The following SUGCT variants were observed in gnomAD, a reference collection of about 807,000 sequenced individuals.
SUGCT encodes the protein succinyl-CoA:glutarate CoA-transferase.
A neutral mutation model predicts 55.0 loss-of-function variants in SUGCT; 41 were observed. The observed-to-expected ratio is 0.74, with a 90% CI of 0.58 to 0.97. The LOEUF (loss-of-function observed/expected upper bound fraction) is 0.97, where lower values mean the gene tolerates loss of function less well. Among genes scored for constraint, SUGCT ranks in the 50% least tolerant of loss-of-function variants. The pLI, the probability that SUGCT is intolerant of heterozygous loss-of-function variation, is 0.00. For missense variants in SUGCT, 568 were observed against 547.8 expected, an observed-to-expected ratio of 1.04 and a Z score of -0.37; for synonymous variants, 187 against 200.4, an observed-to-expected ratio of 0.93 and a Z score of 0.56.
chr7:40,603,006 TA>T (rs1798364751), intron 12 of SUGCT, among the ~76,000 whole-genome samples: 1 of 152,172 alleles, frequency 6.6e-6, no homozygotes. Flanking sequence ...ATTCTGAGCA[TA>T]AATAGGACTG....
At chr7:40,196,287 A>G (rs141823628) in intron 6 of SUGCT, among the ~76,000 whole-genome samples, 26 of 152,318 alleles carry the variant, frequency 1.7e-4, no homozygotes, top group African/African-American at 6.3e-4. Flanking sequence ...AAAATGTTAT[A>G]TTAATAGTTT....
intron 12 of SUGCT, among the ~76,000 whole-genome samples, chr7:40,508,041 G>A (rs184192224): frequency 4.6e-5 from 7 of 152,246 alleles, no homozygotes; most frequent in African/African-American, 1.7e-4. Flanking sequence ...CGTAAGGATA[G>A]CCTCCTCAGG....
At chr7:40,328,789 GAA>G (rs1327532909) in intron 9 of SUGCT, among the ~76,000 whole-genome samples, 1 of 152,002 alleles carries the variant, frequency 6.6e-6, no homozygotes, top group Non-Finnish European at 1.5e-5. Flanking sequence ...GTGTTTTGGA[GAA>G]AAGAGACTGA....
At chr7:41,038,204 TC>T in the SUGCT span, among the ~76,000 whole-genome samples, 1 of 152,110 alleles carries the variant, frequency 6.6e-6, no homozygotes, top group African/African-American at 2.4e-5. Flanking sequence ...CTTTTTGCCC[TC>T]CTCTGTTGGG....
chr7:40,906,012 C>T, the SUGCT span, among the ~76,000 whole-genome samples: 1 of 152,206 alleles, frequency 6.6e-6, no homozygotes, highest in African/African-American at 2.4e-5. Context: ...GCATGAGCCA[C>T]TGCACCCTGC....
chr7:40,524,545 G>A (rs1302853286), intron 12 of SUGCT, among the ~76,000 whole-genome samples: 4 of 151,856 alleles, frequency 2.6e-5, no homozygotes, highest in Non-Finnish European at 4.4e-5. Flanking sequence ...AATTCTTTCT[G>A]TTCTTCCTCC....
intron 9 of SUGCT, among the ~76,000 whole-genome samples, chr7:40,348,540 A>T (rs1435445448): frequency 5.3e-5 from 8 of 152,068 alleles, no homozygotes; most frequent in Admixed American, 5.2e-4. Flanking sequence ...AGTACCTTTG[A>T]ACTCATCAAG....
chr7:40,817,198 G>A (rs1441606371), intron 13 of SUGCT, among the ~76,000 whole-genome samples: 1 of 152,124 alleles, frequency 6.6e-6, no homozygotes, highest in African/African-American at 2.4e-5. Context: ...CCTATAGTTG[G>A]CCAGCATTGT....
chr7:40,942,691 A>ACTAATC, the SUGCT span, among the ~76,000 whole-genome samples: 10 of 152,084 alleles, frequency 6.6e-5, no homozygotes, highest in Non-Finnish European at 1.5e-4. Context: ...TCTCAGGAAC[A>ACTAATC]CTAATCATTC....
At position 40,553,191 on chromosome 7, in the gene SUGCT, C is replaced by T. The variant is rs187806917; in HGVS notation, c.1089+56805C>T. On this transcript the variant is annotated intron_variant, in intron 12 of 13. Coordinates refer to ENST00000335693, the MANE Select transcript of SUGCT (RefSeq NM_001193313.2). ...GAGTTTACTTTTGTCATGCTGTATA[C>T]GTTCTCTCTTCAAAATGAAAACTGA... is the stretch of plus-strand genomic sequence containing the variant. Among the ~76,000 whole-genome samples, 598 of 152,202 alleles carry T rather than the reference C, an allele frequency of 3.9e-3. 4 individuals are homozygous for T. Among genetic ancestry groups the T allele is most frequent in the African/African-American group, 0.014 (568 of 41,540 alleles).
chr7:40,656,250 A>G (rs1478646396), intron 12 of SUGCT, among the ~76,000 whole-genome samples: 1 of 149,512 alleles, frequency 6.7e-6, no homozygotes, highest in Non-Finnish European at 1.5e-5. Context: ...TTTTTTTTTA[A>G]TAGACAAGAT....
intron 9 of SUGCT, among the ~76,000 whole-genome samples, chr7:40,321,602 C>T (rs938524000): frequency 1.3e-5 from 2 of 151,586 alleles, no homozygotes; most frequent in Non-Finnish European, 2.9e-5. Flanking sequence ...AGGCTGGTCT[C>T]GAATGCCTGA....
Position 40,847,409 on chromosome 7 carries a change from TTC to T in SUGCT, c.1154-12905_1154-12904del, listed in dbSNP as rs1468486324. Among the ~76,000 whole-genome samples the T allele has an allele frequency of 1.9e-4, 19 of 102,540 alleles. No homozygotes were observed. In the East Asian group the frequency reaches 6.5e-3, roughly 35 times the overall value. 67.3% of individuals were successfully genotyped at this position (102,540 alleles called of 152,430 possible). On this transcript the variant is annotated intron_variant, in intron 13 of 13. Transcript: ENST00000335693. ...TGACATATACATTTCTTTTCTTTCT[TTC>T]TTTTTTTTTTTTTTTTTTTTTTTGA...
chr7:40,802,139 G>A (rs1790852252), intron 13 of SUGCT, among the ~76,000 whole-genome samples: 1 of 152,094 alleles, frequency 6.6e-6, no homozygotes, highest in African/African-American at 2.4e-5. Context: ...TGTAGACTAT[G>A]GAATAGTCTC....
At chr7:40,685,258 G>C (rs1227735354) in intron 12 of SUGCT, among the ~76,000 whole-genome samples, 1 of 152,096 alleles carries the variant, frequency 6.6e-6, no homozygotes, top group African/African-American at 2.4e-5. Flanking sequence ...CTCTGCTGGA[G>C]TTGTAAAACT....
intron 12 of SUGCT, among the ~76,000 whole-genome samples, chr7:40,630,116 C>CTAG (rs1562912227): frequency 6.6e-6 from 1 of 152,240 alleles, no homozygotes; most frequent in African/African-American, 2.4e-5. Flanking sequence ...AGCGATCCTA[C>CTAG]GCTTTGCGCC....
At chr7:40,963,526 A>G in the SUGCT span, among the ~76,000 whole-genome samples, 15 of 152,210 alleles carry the variant, frequency 9.9e-5, no homozygotes, top group African/African-American at 3.1e-4. Flanking sequence ...CCTGGAGCCA[A>G]TTTGTATTGG....
the SUGCT span, among the ~76,000 whole-genome samples, chr7:40,911,567 CAAA>C: frequency 1.9e-4 from 24 of 124,952 alleles, no homozygotes; most frequent in Admixed American, 3.2e-4. Context: ...GACCCTGTCT[CAAA>C]AAAAAAAAAA....
chr7:40,168,583 C>G (rs1480345009), intron 1 of SUGCT, among the ~76,000 whole-genome samples: 2 of 152,032 alleles, frequency 1.3e-5, no homozygotes, highest in African/African-American at 2.4e-5. Context: ...ACTTCACAGG[C>G]CCTGACTATC....
Sources: allele counts gnomAD v4.1 joint callset (sites outside exome capture counted in the v4.1 genomes callset), GRCh38; gene constraint gnomAD v4.1.1; transcripts MANE v1.5; gene names NCBI Gene and HGNC (gene_info 2026-07-23, HGNC 2026-07-21).